Variants in ST6GALNAC3 observed in about 807,000 individuals in gnomAD.
ST6GALNAC3 encodes the protein ST6 N-acetylgalactosaminide alpha-2,6-sialyltransferase 3.
Under a neutral mutation model 32.7 loss-of-function variants are expected in ST6GALNAC3, and 25 were observed. The ratio of observed to expected loss-of-function variants is 0.76; its 90% CI spans 0.56 to 1.07. ST6GALNAC3 has a LOEUF of 1.07. ST6GALNAC3 is among the 50% of genes least tolerant of loss of function. ST6GALNAC3 has a pLI of 0.00. For missense variants in ST6GALNAC3, 355 were observed against 382.4 expected (o/e 0.93, Z 0.60); for synonymous variants, 129 against 133.1 (o/e 0.97, Z 0.21).
At chr1:76,432,495 C>A (rs528996559) in intron 3 of ST6GALNAC3, among the ~76,000 whole-genome samples, 1 of 133,340 alleles carries the variant, frequency 7.5e-6, no homozygotes, top group South Asian at 2.4e-4. Context: ...CACTCTGTTG[C>A]CCAGGCTGGA....
intron 3 of ST6GALNAC3, among the ~76,000 whole-genome samples, chr1:76,553,682 A>T (rs1360995280): frequency 3.3e-5 from 5 of 150,762 alleles, no homozygotes; most frequent in Non-Finnish European, 7.4e-5. Flanking sequence ...CTCTATTTTT[A>T]CTCGTCTTTA....
intron 1 of ST6GALNAC3, among the ~76,000 whole-genome samples, chr1:76,267,842 G>A (rs17098511): frequency 0.04 from 6,071 of 152,226 alleles, 226 homozygotes; most frequent in African/African-American, 0.1. Flanking sequence ...ACTCTCTAAT[G>A]ACTGTGACTG....
In ST6GALNAC3 at chr1:76,629,860, T is replaced by C. The variant is rs150064625; in HGVS notation, c.*1054T>C. 114 of 984,562 alleles carry C rather than the reference T, an allele frequency of 1.2e-4. No homozygotes were observed. The East Asian group carries it at 0.011, about 91-fold the overall frequency. 61.0% of individuals were successfully genotyped at this position (984,562 alleles called of 1,614,324 possible). A position where few individuals can be genotyped will look rare whatever the true frequency, so the allele number is the denominator to read the frequency against. On this transcript the variant is annotated 3_prime_UTR_variant, in exon 5 of 5. Transcript: ENST00000328299. ...TGTTTCTCCAAACATTACATTCTCATTGCCAAGTGCCAGCTGTTACACATG... is the reference window on the plus strand; with the variant it reads ...TGTTTCTCCAAACATTACATTCTCACTGCCAAGTGCCAGCTGTTACACATG...
At chr1:76,600,854 A>G (rs578001753) in intron 3 of ST6GALNAC3, among the ~76,000 whole-genome samples, 2 of 152,306 alleles carry the variant, frequency 1.3e-5, no homozygotes, top group African/African-American at 4.8e-5. Flanking sequence ...CTGGAAATGA[A>G]CAAGATATAT....
intron 3 of ST6GALNAC3, among the ~76,000 whole-genome samples, chr1:76,437,530 ATTAC>A (rs1166372099): frequency 2.7e-5 from 4 of 150,784 alleles, no homozygotes; most frequent in Non-Finnish European, 4.4e-5. Flanking sequence ...AACTTGTCAA[ATTAC>A]TTAGTACAGA....
chr1:76,239,990 A>G (rs1182312863), intron 1 of ST6GALNAC3, among the ~76,000 whole-genome samples: 1 of 152,090 alleles, frequency 6.6e-6, no homozygotes, highest in Non-Finnish European at 1.5e-5. Flanking sequence ...GCCTTTTCCT[A>G]TTAAGGTAGC....
In ST6GALNAC3 at chr1:76,208,511, A is replaced by G. The variant is rs182997967; in HGVS notation, c.19-105294A>G. Among the ~76,000 whole-genome samples the G allele has an allele frequency of 1.8e-4, 27 of 152,298 alleles. No homozygotes were observed. In the East Asian group the frequency reaches 5.2e-3, roughly 29 times the overall value. On this transcript the variant is annotated intron_variant, in intron 1 of 4. Coordinates refer to ENST00000328299, the MANE Select transcript of ST6GALNAC3 (RefSeq NM_152996.4). Reference sequence around the variant, plus strand: ...CTCTGTCTTCTGGAGTTGGACTTTTACCATGAGGTTGCTTATCTGGATGAA... The same window carrying G: ...CTCTGTCTTCTGGAGTTGGACTTTTGCCATGAGGTTGCTTATCTGGATGAA...
In ST6GALNAC3 at chr1:76,633,891, G is replaced by A. The variant is rs931171068; in HGVS notation, c.*5085G>A. On this transcript the variant is annotated 3_prime_UTR_variant, in exon 5 of 5. Coordinates refer to ENST00000328299, the MANE Select transcript of ST6GALNAC3 (RefSeq NM_152996.4). ...ACACTGGCCTCTGAAAATGGTTCTT[G>A]TGGCTCAGAAATAGTATATTGTTCT... 2.0e-5 allele frequency: 3 copies of A among 152,244 alleles called. No homozygotes were observed. The highest frequency in any genetic ancestry group is 7.2e-5 in the African/African-American group (3 of 41,426). The allele number at this position is 152,244 out of a possible 1,614,324, so 9.4% of individuals were successfully genotyped here. A position where few individuals can be genotyped will look rare whatever the true frequency, so the allele number is the denominator to read the frequency against.
At chr1:76,152,392 G>A (rs1238299210) in intron 1 of ST6GALNAC3, among the ~76,000 whole-genome samples, 1 of 152,170 alleles carries the variant, frequency 6.6e-6, no homozygotes, top group Non-Finnish European at 1.5e-5. Flanking sequence ...TGTCCTGCCA[G>A]GTGGGTGATG....
At chr1:76,540,971 C>T (rs571254261) in intron 3 of ST6GALNAC3, among the ~76,000 whole-genome samples, 8 of 152,180 alleles carry the variant, frequency 5.3e-5, no homozygotes, top group Admixed American at 4.6e-4. Context: ...TGCCAAGGTG[C>T]TTGGGAGCAT....
At chr1:76,582,067 A>G (rs79116493) in intron 3 of ST6GALNAC3, among the ~76,000 whole-genome samples, 2,293 of 152,314 alleles carry the variant, frequency 0.015, 26 homozygotes, top group Middle Eastern at 0.041. Context: ...AGTTGAAACT[A>G]AATAATATAA....
chr1:76,465,417 A>C (rs552026916), intron 3 of ST6GALNAC3, among the ~76,000 whole-genome samples: 1 of 152,302 alleles, frequency 6.6e-6, no homozygotes, highest in East Asian at 1.9e-4. Flanking sequence ...CCATCTGAAA[A>C]CTGTCAGTGT....
chr1:76,627,660 C>A, intron 4 of ST6GALNAC3, 101 bp downstream of exon 4: 2 of 928,080 alleles, frequency 2.2e-6, no homozygotes, highest in Non-Finnish European at 1.7e-6. Flanking sequence ...ACAGATAAAG[C>A]AACAATTATT....
intron 1 of ST6GALNAC3, among the ~76,000 whole-genome samples, chr1:76,079,543 T>C (rs1253507589): frequency 6.6e-6 from 1 of 152,222 alleles, no homozygotes; most frequent in Non-Finnish European, 1.5e-5. Flanking sequence ...GAGAAGATTA[T>C]GGTTTTGCCA....
At chr1:76,576,271 A>G (rs1003551115) in intron 3 of ST6GALNAC3, among the ~76,000 whole-genome samples, 5 of 152,094 alleles carry the variant, frequency 3.3e-5, no homozygotes, top group Non-Finnish European at 5.9e-5. Context: ...TGTTCTTAAC[A>G]GAGACACAGA....
chr1:76,100,051 G>C (rs1455460392), intron 1 of ST6GALNAC3, among the ~76,000 whole-genome samples: 1 of 151,890 alleles, frequency 6.6e-6, no homozygotes, highest in Non-Finnish European at 1.5e-5. Context: ...ATTTAATTTT[G>C]TTTATAGCTG....
chr1:76,350,709 C>T (rs1648905517), intron 2 of ST6GALNAC3, among the ~76,000 whole-genome samples: 1 of 152,036 alleles, frequency 6.6e-6, no homozygotes, highest in Non-Finnish European at 1.5e-5. Context: ...ATTAAAATTA[C>T]AATAATGGAT....
intron 1 of ST6GALNAC3, among the ~76,000 whole-genome samples, chr1:76,213,217 G>A (rs1655265910): frequency 1.3e-5 from 2 of 152,046 alleles, no homozygotes; most frequent in African/African-American, 4.8e-5. Flanking sequence ...AATGACATGT[G>A]GTACTTCAAA....
At chr1:76,576,946 G>GAAAC (rs369535163) in intron 3 of ST6GALNAC3, 247 of 1,271,588 alleles carry the variant, frequency 1.9e-4, no homozygotes, top group South Asian at 3.3e-4. Flanking sequence ...AAGAAAGAAA[G>GAAAC]AAACAAACAA....
Sources: allele counts gnomAD v4.1 joint callset (sites outside exome capture counted in the v4.1 genomes callset), GRCh38; gene constraint gnomAD v4.1.1; transcripts MANE v1.5; gene names NCBI Gene and HGNC (gene_info 2026-07-23, HGNC 2026-07-21).